The following GPC4 variants were observed in gnomAD, a reference collection of about 807,000 sequenced individuals.
GPC4 encodes the protein glypican 4, also known as glypican-4.
In GPC4, 10 loss-of-function variants were observed where a neutral mutation model predicts 35.0. The observed-to-expected ratio is 0.29, with a 90% confidence interval of 0.18 to 0.48. The LOEUF is 0.48. GPC4 is among the 20% of genes least tolerant of loss of function. GPC4 has a pLI of 0.99. For synonymous variants in GPC4, 167 were observed against 170.2 expected, an observed-to-expected ratio of 0.98 and a Z score of 0.15; for missense variants, 322 against 451.3, an observed-to-expected ratio of 0.71 and a Z score of 2.60.
intron 1 of GPC4, among the ~76,000 whole-genome samples, chrX:133,385,238 T>C (rs1460595881): frequency 8.9e-6 from 1 of 111,744 alleles, no homozygotes; most frequent in East Asian, 2.8e-4. Context: ...ACAGGGTGAC[T>C]TGCAGTGACA....
chrX:133,404,244 C>T (rs1332364445), intron 1 of GPC4, among the ~76,000 whole-genome samples: 1 of 110,627 alleles, frequency 9.0e-6, no homozygotes, highest in Non-Finnish European at 1.9e-5. Flanking sequence ...TTCTAGAGGG[C>T]TTTCAAAAGA....
At chrX:133,328,966 C>T (rs1304996030) in intron 2 of GPC4, among the ~76,000 whole-genome samples, 4 of 111,862 alleles carry the variant, frequency 3.6e-5, no homozygotes, top group Admixed American at 9.5e-5. Flanking sequence ...CTGTGATCAG[C>T]GTTTATTTCC....
Position 133,406,441 on chromosome X carries a change from T to C in GPC4, c.160+8365A>G, listed in dbSNP as rs1256588540. ...AATCTCATTGGAAAATTTAGAATAA[T>C]AGAATCTCAGAGATGGAAGGGACCT... On this transcript the variant is annotated intron_variant, in intron 1 of 8. Coordinates refer to ENST00000370828, the MANE Select transcript of GPC4 (RefSeq NM_001448.3). Among the ~76,000 whole-genome samples the C allele has an allele frequency of 6.2e-5, 7 of 112,385 alleles. No homozygotes were observed. In the South Asian group the frequency reaches 1.8e-3, roughly 29 times the overall value.
intron 3 of GPC4, among the ~76,000 whole-genome samples, chrX:133,315,220 A>G (rs1443402766): frequency 3.7e-5 from 4 of 109,241 alleles, no homozygotes; most frequent in African/African-American, 6.7e-5. Context: ...TTTAAGCATC[A>G]GGTTGGTATT....
chrX:133,330,559 G>A (rs1365464335), intron 2 of GPC4, among the ~76,000 whole-genome samples: 1 of 110,211 alleles, frequency 9.1e-6, no homozygotes, highest in African/African-American at 3.3e-5. Context: ...TCTCGAGCAC[G>A]GCATAATCTC....
At chrX:133,368,184 T>C (rs1366724248) in intron 1 of GPC4, among the ~76,000 whole-genome samples, 3 of 112,596 alleles carry the variant, frequency 2.7e-5, no homozygotes, top group African/African-American at 9.7e-5. Flanking sequence ...ACAAAAAACA[T>C]GGCATACCTG....
At chrX:133,335,172 A>G (rs991960111) in intron 2 of GPC4, among the ~76,000 whole-genome samples, 3 of 111,188 alleles carry the variant, frequency 2.7e-5, no homozygotes, top group Admixed American at 1.9e-4. Flanking sequence ...GATTCAGCTA[A>G]GTTAATTAGC....
At chrX:133,333,300 T>A (rs1383499156) in intron 2 of GPC4, among the ~76,000 whole-genome samples, 1 of 112,752 alleles carries the variant, frequency 8.9e-6, no homozygotes, top group Non-Finnish European at 1.9e-5. Context: ...TCCAGACAGA[T>A]CCATTGCTTC....
At chrX:133,312,657 G>GGA (rs1556024192) in intron 3 of GPC4, among the ~76,000 whole-genome samples, 3 of 101,846 alleles carry the variant, frequency 2.9e-5, no homozygotes, top group East Asian at 3.1e-4. Context: ...AAGAAAGGAA[G>GGA]AAGGAAAGGA....
intron 2 of GPC4, among the ~76,000 whole-genome samples, chrX:133,331,003 G>A (rs2068417926): frequency 9.0e-6 from 1 of 111,577 alleles, no homozygotes; most frequent in South Asian, 3.8e-4. Context: ...TTGGTGGACA[G>A]GCCAATCACC....
chrX:133,397,669 C>A (rs2068749829), intron 1 of GPC4, among the ~76,000 whole-genome samples: 1 of 111,922 alleles, frequency 8.9e-6, no homozygotes, highest in Admixed American at 9.5e-5. Flanking sequence ...TGCAGCTCAG[C>A]CCACACCCTG....
At chrX:133,370,576 C>T (rs1309961527) in intron 1 of GPC4, among the ~76,000 whole-genome samples, 1 of 110,943 alleles carries the variant, frequency 9.0e-6, no homozygotes, top group Non-Finnish European at 1.9e-5. Flanking sequence ...TGGAACAGTT[C>T]CATCATCTCT....
chrX:133,310,274 A>G (rs2068309326), intron 4 of GPC4, among the ~76,000 whole-genome samples: 1 of 111,903 alleles, frequency 8.9e-6, no homozygotes, highest in Non-Finnish European at 1.9e-5. Context: ...AAATTCGGCA[A>G]TTATGCAAAG....
chrX:133,327,714 A>C (rs2068401120), intron 2 of GPC4, among the ~76,000 whole-genome samples: 1 of 105,068 alleles, frequency 9.5e-6, no homozygotes, highest in Non-Finnish European at 1.9e-5. Context: ...TTAAGAGCCT[A>C]GGTTGGTGCT....
chrX:133,350,070 G>T (rs767217112), intron 1 of GPC4, among the ~76,000 whole-genome samples: 2 of 111,640 alleles, frequency 1.8e-5, no homozygotes, highest in Admixed American at 9.5e-5. Flanking sequence ...ATACAGCGTG[G>T]TAAGAGGTTT....
chrX:133,374,760 A>G (rs540512547), intron 1 of GPC4, among the ~76,000 whole-genome samples: 2 of 112,362 alleles, frequency 1.8e-5, no homozygotes, highest in African/African-American at 6.5e-5. Context: ...CTGAGTCTAC[A>G]ATACAGAAAT....
At position 133,303,257 on chromosome X, in the gene GPC4, T is replaced by G. The variant is rs201910241; in HGVS notation, c.1377A>C (p.Ile459=). 1 of 1,209,301 alleles carries G rather than the reference T, an allele frequency of 8.3e-7. No homozygotes were observed. Among genetic ancestry groups the G allele is most frequent in the East Asian group, 3.0e-5 (1 of 33,737 alleles). Residue 459 remains isoleucine, a synonymous_variant, in exon 8 of 9, where the codon ATA becomes ATC. Transcript: ENST00000370828. ...GAGCCATGATTTGACGAAGGATCAG[T>G]ATGTCTGGTTTGCTGGTGTCAACCT... ...EVQVDTSKPD[I]LILRQIMALR...
At chrX:133,384,232 T>C (rs1237060164) in intron 1 of GPC4, among the ~76,000 whole-genome samples, 1 of 111,712 alleles carries the variant, frequency 9.0e-6, no homozygotes, top group East Asian at 2.8e-4. Flanking sequence ...CTGGAAGGAA[T>C]AGTGCTATTG....
chrX:133,392,944 C>T (rs1488463976), intron 1 of GPC4, among the ~76,000 whole-genome samples: 5 of 111,895 alleles, frequency 4.5e-5, no homozygotes, highest in Admixed American at 1.9e-4. Context: ...CTGTACCCTC[C>T]GGATCACAAA....
Sources: allele counts gnomAD v4.1 joint callset (sites outside exome capture counted in the v4.1 genomes callset), GRCh38; gene constraint gnomAD v4.1.1; transcripts MANE v1.5; gene names NCBI Gene and HGNC (gene_info 2026-07-23, HGNC 2026-07-21).